Variants in FBF1 observed in about 807,000 individuals in gnomAD.
FBF1 encodes fas-binding factor 1.
In FBF1, 119 loss-of-function variants were observed where a neutral mutation model predicts 147.2. That is an observed-to-expected ratio of 0.81 (90% confidence interval 0.70 to 0.94). FBF1 has a LOEUF of 0.94. Ranked by LOEUF, FBF1 falls within the 40% of genes least tolerant of loss-of-function variation. FBF1 has a pLI of 0.00. For synonymous variants in FBF1, 601 were observed against 609.0 expected, an observed-to-expected ratio of 0.99 and a Z score of 0.19; for missense variants, 1,449 against 1,500.8, an observed-to-expected ratio of 0.97 and a Z score of 0.57.
Position 75,919,583 on chromosome 17 carries a change from C to T in FBF1, c.2138+85G>A. ...CAACCCCTGTCCAAAGGCTGCTGAG[C>T]CACAGCGAAGGGTCTCGTGGGGATG... is the stretch of plus-strand genomic sequence containing the variant. On this transcript the variant is annotated intron_variant, in intron 20 of 29. Transcript: ENST00000636174. The surrounding 1 kb of genome is among the most constrained non-coding windows in gnomAD (Gnocchi z 5.0). 1 of 1,456,902 alleles carries T rather than the reference C, an allele frequency of 6.9e-7. No homozygotes were observed. The highest frequency in any genetic ancestry group is 9.2e-7 in the Non-Finnish European group (1 of 1,081,100). The allele number at this position is 1,456,902 out of a possible 1,614,324, so 90.2% of individuals were successfully genotyped here. A position where few individuals can be genotyped will look rare whatever the true frequency, so the allele number is the denominator to read the frequency against.
At chr17:75,934,510 G>C (rs2065612024) in intron 4 of FBF1, among the ~76,000 whole-genome samples, 1 of 151,236 alleles carries the variant, frequency 6.6e-6, no homozygotes, top group Non-Finnish European at 1.5e-5. Flanking sequence ...GAGCCGAGAT[G>C]GTGCCACTGC....
At chr17:75,913,242 G>C (rs890316861) in intron 28 of FBF1, among the ~76,000 whole-genome samples, 1 of 149,494 alleles carries the variant, frequency 6.7e-6, no homozygotes, top group Non-Finnish European at 1.5e-5. Context: ...TCCACTTCTC[G>C]GGTTCGAGTG....
chr17:75,929,093 C>T (rs1449886795), intron 7 of FBF1, among the ~76,000 whole-genome samples: 3 of 151,608 alleles, frequency 2.0e-5, no homozygotes, highest in Non-Finnish European at 4.4e-5. Context: ...TAGGCTCAAG[C>T]GAGCCTACTG....
chr17:75,914,186 T>A lies in FBF1; in HGVS notation c.2927A>T (p.Glu976Val). Residue 976 changes from glutamate (E) to valine (V), a missense_variant, in exon 26 of 30, where the codon GAG becomes GTG. Glu to Val is a moderately radical substitution (Grantham distance 121). Coordinates refer to ENST00000636174, the MANE Select transcript of FBF1 (RefSeq NM_001319193.2). ...QERQELRLEKERINATALRVK... is the reference protein window; with the variant it reads ...QERQELRLEKVRINATALRVK... ...ACGCAGGGCGGTGGCGTTGATCCTC[T>A]CCTTCTCCAGCCGCAGCTCCTGCCG... The A allele has an allele frequency of 6.3e-7, 1 of 1,594,610 alleles. No individual in the cohort carries two copies. Among genetic ancestry groups the A allele is most frequent in the African/African-American group, 1.3e-5 (1 of 74,722 alleles).
At position 75,912,231 on chromosome 17, in the gene FBF1, G is replaced by A. The variant is rs752564360; in HGVS notation, c.3324C>T (p.Leu1108=). The change falls in exon 29 of 30, where the codon CTC becomes CTT. Residue 1108 remains leucine, a synonymous_variant. Coordinates refer to ENST00000636174, the MANE Select transcript of FBF1 (RefSeq NM_001319193.2). ...GCCTCAGCAGTGCCAGCCTGGCATGGAGGTGCAAGGGGCTGGGGTCCAGGC... is the reference window on the plus strand; with the variant it reads ...GCCTCAGCAGTGCCAGCCTGGCATGAAGGTGCAAGGGGCTGGGGTCCAGGC... The part of the protein sequence containing the change: ...PTGLDPSPLH[L]HARLALLRHM... 1.1e-5 allele frequency: 18 copies of A among 1,611,232 alleles called. No homozygotes were observed. The highest frequency in any genetic ancestry group is 1.4e-5 in the Non-Finnish European group (17 of 1,179,272).
At chr17:75,929,864 T>C (rs2065583493) in intron 7 of FBF1, 133 bp downstream of exon 7, 4 of 797,256 alleles carry the variant, frequency 5.0e-6, no homozygotes, top group African/African-American at 1.7e-5. Flanking sequence ...AGTTCCATGC[T>C]TGCACGAGGA....
chr17:75,935,556 A>T (rs1337384073), intron 4 of FBF1, 76 bp downstream of exon 4: 7 of 1,438,760 alleles, frequency 4.9e-6, no homozygotes, highest in Non-Finnish European at 6.6e-6. Flanking sequence ...GCTTGGGACC[A>T]GCCTGGGCAA....
rs1234091435 is a variant in FBF1, at chr17:75,920,002, G to C, written c.1931+5C>G. On this transcript the variant is annotated splice_donor_5th_base_variant and intron_variant, in intron 19 of 29. Coordinates refer to ENST00000636174, the MANE Select transcript of FBF1 (RefSeq NM_001319193.2). The stretch of plus-strand genomic sequence containing the variant: ...AAGGCAGAGCTGGGGCCAGCGCCAG[G>C]GTACCTGTGTGCACTCTCGATGAGC... 1.2e-6 allele frequency: 2 copies of C among 1,608,494 alleles called. No homozygotes were observed. The highest frequency in any genetic ancestry group is 8.5e-7 in the Non-Finnish European group (1 of 1,177,418).
At position 75,914,891 on chromosome 17, in the gene FBF1, G is replaced by GCAC; in HGVS notation, c.2667_2669dup (p.Lys889_Cys890insTrp). ...CAGCCAGGCGCCGCCGCTCCTCCCC[G>GCAC]CACTTGAGCATGACAGACTTCTGCT... On this transcript the variant is annotated inframe_insertion, in exon 25 of 30. Transcript: ENST00000636174. 1 of 1,572,886 alleles carries GCAC rather than the reference G, an allele frequency of 6.4e-7. No homozygotes were observed. Among genetic ancestry groups the GCAC allele is most frequent in the African/African-American group, 1.4e-5 (1 of 73,220 alleles).
rs2065489274 is a variant in FBF1 at position 75,916,356 on chromosome 17, C to T, written c.2506-1217G>A. Among the ~76,000 whole-genome samples, 2 of 147,362 alleles carry T rather than the reference C, an allele frequency of 1.4e-5. 1 individual carries two copies. The highest frequency in any genetic ancestry group is 4.1e-4 in the East Asian group (2 of 4,930). On this transcript the variant is annotated intron_variant, in intron 23 of 29. Transcript: ENST00000636174. ...TTTTTTTGGCCAGGCATGGTGGCTC[C>T]CACCTGTACTCTCAAAATGTTGGGA... is the stretch of plus-strand genomic sequence containing the variant.
intron 29 of FBF1, among the ~76,000 whole-genome samples, chr17:75,911,898 T>G: frequency 6.6e-6 from 1 of 152,138 alleles, no homozygotes; most frequent in East Asian, 1.9e-4. Flanking sequence ...GTGATCCTCC[T>G]GCTTCAACCT....
Position 75,915,159 on chromosome 17 carries a change from A to T in FBF1, c.2506-20T>A, listed in dbSNP as rs745377033. 6.2e-7 allele frequency: 1 copy of T among 1,602,554 alleles called. No individual in the cohort carries two copies. Among genetic ancestry groups the T allele is most frequent in the South Asian group, 1.1e-5 (1 of 90,162 alleles). On this transcript the variant is annotated intron_variant, in intron 23 of 29. Coordinates refer to ENST00000636174, the MANE Select transcript of FBF1 (RefSeq NM_001319193.2). ...GCGTTCCTGTAGGGCCCAGGGCAGG[A>T]CTGAGAGCGTGGTTCCCGCCCTGAG...
At chr17:75,929,945 A>AGGGGGGCCCCCCCCCCCCC in intron 7 of FBF1, 52 bp downstream of exon 7, 3 of 650,906 alleles carry the variant, frequency 4.6e-6, no homozygotes, top group East Asian at 5.6e-5. Context: ...AAATATCATG[A>AGGGGGGCCCCCCCCCCCCC]CCCCACCCCA....
chr17:75,914,532 G>T, intron 25 of FBF1: 1 of 837,464 alleles, frequency 1.2e-6, no homozygotes, highest in Non-Finnish European at 1.8e-6. Flanking sequence ...AATGACCAAA[G>T]TCATGGGAAC....
chr17:75,929,966 G>T, intron 7 of FBF1, 31 bp downstream of exon 7: 4 of 155,582 alleles, frequency 2.6e-5, no homozygotes, highest in Non-Finnish European at 5.1e-5. Flanking sequence ...CCCACCCCCA[G>T]TTCTAAGAAT....
intron 5 of FBF1, 23 bp downstream of exon 5, chr17:75,932,972 A>G (rs769911081): frequency 6.5e-7 from 1 of 1,547,392 alleles, no homozygotes; most frequent in South Asian, 1.2e-5. Context: ...GGTCATGGAT[A>G]CCCAGTCGGA....
intron 4 of FBF1, among the ~76,000 whole-genome samples, chr17:75,934,557 A>G (rs1487999633): frequency 6.9e-6 from 1 of 145,412 alleles, no homozygotes; most frequent in Non-Finnish European, 1.5e-5. Flanking sequence ...CTCTGTCTCA[A>G]AAAAAAAAAA....
chr17:75,910,618 A>G lies in FBF1; in HGVS notation c.*105T>C. ...ACGGAAGAGCTGTCATCAGGCCTCA[A>G]GCATCTCAGAATCCTCCCCAGGCAC... On this transcript the variant is annotated 3_prime_UTR_variant, in exon 30 of 30. Coordinates refer to ENST00000636174, the MANE Select transcript of FBF1 (RefSeq NM_001319193.2). This position sits in a 1 kb window ranked among gnomAD's most constrained non-coding sequence, Gnocchi z 4.1. The G allele has an allele frequency of 1.0e-6, 1 of 968,758 alleles. No individual in the cohort carries two copies. The highest frequency in any genetic ancestry group is 1.6e-6 in the Non-Finnish European group (1 of 636,636). The allele number at this position is 968,758 out of a possible 1,614,324, so 60.0% of individuals were successfully genotyped here. A position where few individuals can be genotyped will look rare whatever the true frequency, so the allele number is the denominator to read the frequency against.
In FBF1 at chr17:75,935,165, C is replaced by CT. The variant is rs1567864350; in HGVS notation, c.73+466_73+467insA. Reference sequence around the variant, plus strand: ...ACTTTATGCTATATAAATTACATCTCATTTTTTTTTTTTTTTTGAGACGGA... The same window carrying CT: ...ACTTTATGCTATATAAATTACATCTCTATTTTTTTTTTTTTTTTGAGACGGA... On this transcript the variant is annotated intron_variant, in intron 4 of 29. Coordinates refer to ENST00000636174, the MANE Select transcript of FBF1 (RefSeq NM_001319193.2). 3.7e-3 allele frequency among the ~76,000 whole-genome samples: 548 copies of CT among 148,298 alleles called. 2 individuals are homozygous for CT. The highest frequency in any genetic ancestry group is 0.013 in the African/African-American group (520 of 39,208).
Sources: allele counts gnomAD v4.1 joint callset (sites outside exome capture counted in the v4.1 genomes callset), GRCh38; gene constraint gnomAD v4.1.1; non-coding constraint Gnocchi (gnomAD v3.1); transcripts MANE v1.5; gene names NCBI Gene and HGNC (gene_info 2026-07-23, HGNC 2026-07-21).